ARV1: variants seen among roughly 807,000 people sequenced by gnomAD.
ARV1 encodes protein ARV1.
ARV1 carries 26 observed loss-of-function variants against 31.1 expected under a neutral mutation model. The observed-to-expected ratio is 0.84, with a 90% CI of 0.61 to 1.16. ARV1 has a LOEUF of 1.16. Ranked by LOEUF, ARV1 falls within the 50% of genes most tolerant of loss-of-function variation. The pLI is 0.00. For missense variants in ARV1, 281 were observed against 324.9 expected (o/e 0.86, Z 1.04); for synonymous variants, 117 against 123.2 (o/e 0.95, Z 0.34).
At chr1:230,985,120 C>G (rs962811348) in intron 1 of ARV1, among the ~76,000 whole-genome samples, 2 of 152,092 alleles carry the variant, frequency 1.3e-5, no homozygotes, top group African/African-American at 4.8e-5. Flanking sequence ...TTCAAAGTAA[C>G]GAGTTAGAGT....
chr1:230,998,954 C>G (rs1679452963), intron 5 of ARV1, among the ~76,000 whole-genome samples: 1 of 152,118 alleles, frequency 6.6e-6, no homozygotes, highest in African/African-American at 2.4e-5. Flanking sequence ...TCCTTGTTTT[C>G]TGAGTCCTCC....
intron 1 of ARV1, among the ~76,000 whole-genome samples, chr1:230,979,928 T>C (rs944310998): frequency 3.3e-5 from 5 of 152,198 alleles, no homozygotes; most frequent in Non-Finnish European, 5.9e-5. Context: ...AATAATCTTA[T>C]GTTTAAAGAG....
intron 3 of ARV1, 23 bp downstream of exon 3, chr1:230,990,286 A>G (rs538449221): frequency 6.2e-7 from 1 of 1,611,428 alleles, no homozygotes; most frequent in East Asian, 2.2e-5. Flanking sequence ...CATGCTTTCC[A>G]TTCTTAGTTA....
intron 1 of ARV1, among the ~76,000 whole-genome samples, chr1:230,983,482 A>G (rs1678969994): frequency 6.6e-6 from 1 of 152,046 alleles, no homozygotes. Context: ...CAGATATTTA[A>G]CAAATTCATT....
chr1:230,992,988 A>T (rs944567618), intron 3 of ARV1, among the ~76,000 whole-genome samples: 2 of 152,258 alleles, frequency 1.3e-5, no homozygotes, highest in African/African-American at 2.4e-5. Flanking sequence ...TATCTTATGA[A>T]ACATAATACT....
chr1:230,989,243 T>C (rs140077837), intron 2 of ARV1, among the ~76,000 whole-genome samples: 2 of 152,214 alleles, frequency 1.3e-5, no homozygotes, highest in Non-Finnish European at 2.9e-5. Flanking sequence ...GGTTCAAGTG[T>C]TCTACTGCCT....
chr1:230,996,633 C>T (rs986638172), intron 4 of ARV1, among the ~76,000 whole-genome samples: 8 of 151,878 alleles, frequency 5.3e-5, no homozygotes, highest in African/African-American at 1.2e-4. Flanking sequence ...GACAGGGTTT[C>T]GACATGTTGC....
intron 1 of ARV1, among the ~76,000 whole-genome samples, chr1:230,987,358 G>A (rs1309826201): frequency 6.6e-6 from 1 of 152,226 alleles, no homozygotes; most frequent in Non-Finnish European, 1.5e-5. Flanking sequence ...AAGCAAAACT[G>A]TGGCTACGGG....
chr1:230,991,551 A>G (rs1679226739), intron 3 of ARV1, among the ~76,000 whole-genome samples: 1 of 151,808 alleles, frequency 6.6e-6, no homozygotes. Context: ...CCTTGCAGTC[A>G]TCCCTGATGC....
rs967648067 is a variant in ARV1 at position 231,000,468 on chromosome 1, A to C, written c.*335A>C. Reference sequence around the variant, plus strand: ...GGTAAGCGCTCATAATTCACACATAATAAAACATCTAGGTTTCATTCCTTT... The same window carrying C: ...GGTAAGCGCTCATAATTCACACATACTAAAACATCTAGGTTTCATTCCTTT... On this transcript the variant is annotated 3_prime_UTR_variant, in exon 6 of 6. Transcript: ENST00000310256. The C allele has an allele frequency of 3.9e-5, 6 of 152,252 alleles. No individual in the cohort carries two copies. The highest frequency in any genetic ancestry group is 1.4e-4 in the African/African-American group (6 of 41,464). The allele number at this position is 152,252 out of a possible 1,614,324, so 9.4% of individuals were successfully genotyped here. A position where few individuals can be genotyped will look rare whatever the true frequency, so the allele number is the denominator to read the frequency against.
intron 3 of ARV1, among the ~76,000 whole-genome samples, chr1:230,994,772 C>T (rs1308605971): frequency 6.6e-6 from 1 of 152,122 alleles, no homozygotes; most frequent in Non-Finnish European, 1.5e-5. Context: ...TCTCAATCTC[C>T]TGACCTTGTG....
At chr1:230,986,237 T>G (rs558411337) in intron 1 of ARV1, among the ~76,000 whole-genome samples, 1 of 152,178 alleles carries the variant, frequency 6.6e-6, no homozygotes, top group African/African-American at 2.4e-5. Flanking sequence ...TTAAGCACAT[T>G]TAAGTTTGAG....
intron 1 of ARV1, among the ~76,000 whole-genome samples, chr1:230,980,540 T>C (rs1227418976): frequency 6.6e-6 from 1 of 152,096 alleles, no homozygotes; most frequent in African/African-American, 2.4e-5. Flanking sequence ...TTTCACCATG[T>C]TGACCAGGCT....
chr1:230,984,887 A>G (rs758951630), intron 1 of ARV1, among the ~76,000 whole-genome samples: 46 of 152,224 alleles, frequency 3.0e-4, no homozygotes, highest in Non-Finnish European at 1.2e-4. Flanking sequence ...TGGGAACTTC[A>G]TACATTGTTG....
rs774703160 is a variant in ARV1 at position 230,995,934 on chromosome 1, T to A, written c.623T>A (p.Leu208His). 7 of 1,613,970 alleles carry A rather than the reference T, an allele frequency of 4.3e-6. 1 individual carries two copies. The South Asian group carries it at 7.7e-5, about 18-fold the overall frequency. ...IWEHDYTSVC[L>H]KLIKVFVLTS... is the part of the protein sequence containing the mutation. ...GAACATGACTACACATCTGTGTGCCTCAAACTCATTAAAGTATTTGTTCTT... is the reference window on the plus strand; with the variant it reads ...GAACATGACTACACATCTGTGTGCCACAAACTCATTAAAGTATTTGTTCTT... The change falls in exon 4 of 6, where the codon CTC becomes CAC. Residue 208 changes from leucine to histidine, a missense_variant. Leu to His is a moderately conservative substitution (Grantham distance 99). Transcript: ENST00000310256.
chr1:230,986,144 G>T (rs138360319), intron 1 of ARV1, among the ~76,000 whole-genome samples: 48 of 151,862 alleles, frequency 3.2e-4, no homozygotes, highest in African/African-American at 1.1e-3. Flanking sequence ...GGATGGTCTC[G>T]ATTTCCTGAC....
At chr1:230,979,947 G>T (rs1040351858) in intron 1 of ARV1, among the ~76,000 whole-genome samples, 1 of 152,128 alleles carries the variant, frequency 6.6e-6, no homozygotes, top group Non-Finnish European at 1.5e-5. Flanking sequence ...AGTCTACAAA[G>T]TTGGAGGTTC....
At chr1:230,986,668 A>ATT (rs1162209283) in intron 1 of ARV1, among the ~76,000 whole-genome samples, 1 of 62,292 alleles carries the variant, frequency 1.6e-5, no homozygotes, top group Non-Finnish European at 3.1e-5. Flanking sequence ...TACTTTTCCT[A>ATT]TTTTTTTTTT....
intron 4 of ARV1, among the ~76,000 whole-genome samples, chr1:230,996,473 G>T (rs550358576): frequency 1.3e-5 from 2 of 151,850 alleles, no homozygotes; most frequent in African/African-American, 4.8e-5. Flanking sequence ...TTGAGATAGG[G>T]TGTCACTTGG....
Sources: gnomAD v4.1 joint callset for allele counts (sites outside exome capture counted in the v4.1 genomes callset) on GRCh38, gnomAD v4.1.1 for gene constraint, MANE v1.5 for transcripts, NCBI Gene and HGNC (gene_info 2026-07-23, HGNC 2026-07-21) for gene names.